Variants in PARD3B observed in about 807,000 individuals in gnomAD.
The protein encoded by PARD3B is par-3 family cell polarity regulator beta, also known as partitioning defective 3 homolog B.
PARD3B carries 103 observed loss-of-function variants against 130.2 expected under a neutral mutation model. The observed-to-expected ratio is 0.79, with a 90% confidence interval of 0.67 to 0.93. The LOEUF (loss-of-function observed/expected upper bound fraction) is 0.93. PARD3B is among the 40% of genes least tolerant of loss of function. The pLI, the probability that PARD3B is intolerant of heterozygous loss-of-function variation, is 0.00. For missense variants in PARD3B, 1,609 were observed against 1,499.2 expected (o/e 1.07, Z -1.21); for synonymous variants, 583 against 553.2 (o/e 1.05, Z -0.76).
At chr2:205,492,698 G>C (rs1056430256) in intron 20 of PARD3B, among the ~76,000 whole-genome samples, 1 of 152,102 alleles carries the variant, frequency 6.6e-6, no homozygotes, top group Non-Finnish European at 1.5e-5. Flanking sequence ...GGGGAAAATA[G>C]AGGATTTACA....
intron 4 of PARD3B, among the ~76,000 whole-genome samples, chr2:205,072,186 G>A (rs1700775647): frequency 6.6e-6 from 1 of 150,932 alleles, no homozygotes; most frequent in South Asian, 2.1e-4. Flanking sequence ...TTAAAAGACT[G>A]CTTACATTCT....
chr2:204,590,346 A>T (rs1574509270), intron 1 of PARD3B, among the ~76,000 whole-genome samples: 1 of 152,224 alleles, frequency 6.6e-6, no homozygotes, highest in Admixed American at 6.5e-5. Flanking sequence ...ATTTGATTTC[A>T]ACATATGAAT....
chr2:204,746,098 A>G (rs1261153093), intron 2 of PARD3B, among the ~76,000 whole-genome samples: 3 of 148,010 alleles, frequency 2.0e-5, no homozygotes, highest in African/African-American at 7.5e-5. Context: ...ATCATTTAGC[A>G]TTAGGTATAT....
At chr2:204,852,420 G>A (rs2044745173) in intron 2 of PARD3B, among the ~76,000 whole-genome samples, 1 of 152,216 alleles carries the variant, frequency 6.6e-6, no homozygotes, top group African/African-American at 2.4e-5. Context: ...ATATGACTGT[G>A]TATTTCCTCT....
chr2:205,411,410 A>G (rs1259247333), intron 19 of PARD3B, among the ~76,000 whole-genome samples: 1 of 152,208 alleles, frequency 6.6e-6, no homozygotes, highest in Non-Finnish European at 1.5e-5. Flanking sequence ...TGGAAAGATT[A>G]CAAGGCCCAG....
intron 1 of PARD3B, among the ~76,000 whole-genome samples, chr2:204,585,350 T>G (rs1433413041): frequency 6.6e-6 from 1 of 152,102 alleles, no homozygotes; most frequent in Non-Finnish European, 1.5e-5. Flanking sequence ...TTTTCTTTCT[T>G]TTCTTCAGAT....
chr2:204,792,855 A>G (rs1289508412), intron 2 of PARD3B, among the ~76,000 whole-genome samples: 3 of 150,522 alleles, frequency 2.0e-5, no homozygotes, highest in Non-Finnish European at 4.4e-5. Flanking sequence ...TACCTCCTAC[A>G]TCTCTCTTAA....
intron 4 of PARD3B, among the ~76,000 whole-genome samples, chr2:205,049,515 G>T (rs1297133507): frequency 5.3e-5 from 8 of 152,112 alleles, no homozygotes; most frequent in African/African-American, 1.9e-4. Context: ...TGTGATTTGT[G>T]TCCGGACAGA....
At chr2:205,581,550 C>A (rs2053989981) in intron 22 of PARD3B, among the ~76,000 whole-genome samples, 1 of 147,716 alleles carries the variant, frequency 6.8e-6, no homozygotes. Flanking sequence ...GACAGCACAA[C>A]AGGGTAACTA....
intron 3 of PARD3B, 81 bp downstream of exon 3, chr2:204,965,404 G>A: frequency 1.5e-6 from 2 of 1,372,890 alleles, no homozygotes; most frequent in Non-Finnish European, 2.0e-6. Context: ...TCTTCTTTGT[G>A]ACTTTCATCC....
At chr2:204,904,403 C>T (rs932830775) in intron 2 of PARD3B, among the ~76,000 whole-genome samples, 2 of 152,160 alleles carry the variant, frequency 1.3e-5, no homozygotes, top group African/African-American at 4.8e-5. Flanking sequence ...CCAGGTTCTA[C>T]CAGTAACCCA....
At chr2:204,573,217 A>G (rs912712236) in intron 1 of PARD3B, among the ~76,000 whole-genome samples, 9 of 152,236 alleles carry the variant, frequency 5.9e-5, no homozygotes, top group African/African-American at 1.9e-4. Flanking sequence ...TGCAGTCTCT[A>G]TACTGTCCTT....
chr2:205,172,444 C>A, intron 12 of PARD3B, 63 bp downstream of exon 12: 1 of 1,497,462 alleles, frequency 6.7e-7, no homozygotes, highest in South Asian at 1.2e-5. Flanking sequence ...ATGCAGACTT[C>A]CATTCCTAGT....
chr2:204,738,134 ATTG>A (rs541851703), intron 2 of PARD3B, among the ~76,000 whole-genome samples: 99 of 152,174 alleles, frequency 6.5e-4, no homozygotes, highest in African/African-American at 2.3e-3. Flanking sequence ...TTTGATGGAA[ATTG>A]CATTGAATCT....
In PARD3B at chr2:205,584,157, A is replaced by C. The variant is rs564779836; in HGVS notation, c.3260+30754A>C. Among the ~76,000 whole-genome samples, 4 of 152,220 alleles carry C rather than the reference A, an allele frequency of 2.6e-5. No individual in the cohort carries two copies. Among genetic ancestry groups the C allele is most frequent in the Admixed American group, 1.3e-4 (2 of 15,278 alleles). ...GCACTCCAATATGGTAGCCGCAACA[A>C]CATGGGGCTATCAGACATTTAAATG... On this transcript the variant is annotated intron_variant, in intron 22 of 22. Transcript: ENST00000406610. The surrounding 1 kb of genome is among the most constrained non-coding windows in gnomAD (Gnocchi z 5.5).
chr2:205,613,699 A>T (rs1430204746), intron 22 of PARD3B, among the ~76,000 whole-genome samples: 1 of 152,238 alleles, frequency 6.6e-6, no homozygotes, highest in African/African-American at 2.4e-5. Context: ...AAGCTCAAGG[A>T]TCTTTCATTA....
chr2:205,483,280 T>C (rs915291606), intron 20 of PARD3B, among the ~76,000 whole-genome samples: 3 of 152,192 alleles, frequency 2.0e-5, no homozygotes, highest in African/African-American at 7.2e-5. Flanking sequence ...TTCAGTATGC[T>C]CCATCAAAAT....
chr2:205,543,659 TTGA>T (rs1189007832), intron 21 of PARD3B, among the ~76,000 whole-genome samples: 7 of 152,322 alleles, frequency 4.6e-5, no homozygotes, highest in African/African-American at 1.2e-4. Flanking sequence ...GGCAAGTCTC[TTGA>T]TGATCTCTGA....
chr2:204,568,042 T>A (rs901037303), intron 1 of PARD3B, among the ~76,000 whole-genome samples: 27 of 152,226 alleles, frequency 1.8e-4, no homozygotes, highest in Admixed American at 1.4e-3. Flanking sequence ...TTGAAAAGAT[T>A]TAAAATACTA....
Sources: gnomAD v4.1 joint callset for allele counts (sites outside exome capture counted in the v4.1 genomes callset) on GRCh38, gnomAD v4.1.1 for gene constraint, Gnocchi (gnomAD v3.1) non-coding constraint, MANE v1.5 for transcripts, NCBI Gene and HGNC (gene_info 2026-07-23, HGNC 2026-07-21) for gene names.